FBXW7: variants seen among roughly 807,000 people sequenced by gnomAD.
The protein encoded by FBXW7 is F-box/WD repeat-containing protein 7.
Under a neutral mutation model 86.3 loss-of-function variants are expected in FBXW7, and 11 were observed. That is an observed-to-expected ratio of 0.13 (90% CI 0.08 to 0.21). The LOEUF is 0.21. Among genes scored for constraint, FBXW7 ranks in the 10% least tolerant of loss-of-function variants. The pLI is 1.00. For missense variants in FBXW7, 488 were observed against 847.4 expected (o/e 0.58, Z 5.27); for synonymous variants, 313 against 297.9 (o/e 1.05, Z -0.52).
intron 2 of FBXW7, among the ~76,000 whole-genome samples, chr4:152,521,472 C>T (rs1437659310): frequency 1.3e-5 from 2 of 152,190 alleles, no homozygotes; most frequent in Non-Finnish European, 2.9e-5. Flanking sequence ...TACATGGACA[C>T]ACAACCAGTG....
At chr4:152,439,774 G>A (rs1167416559) in intron 2 of FBXW7, among the ~76,000 whole-genome samples, 1 of 151,244 alleles carries the variant, frequency 6.6e-6, no homozygotes, top group African/African-American at 2.4e-5. Flanking sequence ...GCTGAGGCAG[G>A]AGAATGGTGT....
intron 4 of FBXW7, among the ~76,000 whole-genome samples, chr4:152,374,813 C>CA (rs1734338382): frequency 6.6e-6 from 1 of 151,012 alleles, no homozygotes; most frequent in East Asian, 1.9e-4. Flanking sequence ...TAAGCTGGAC[C>CA]ATGAGGTCAT....
chr4:152,389,540 G>A (rs1201688122), intron 4 of FBXW7, among the ~76,000 whole-genome samples: 1 of 152,020 alleles, frequency 6.6e-6, no homozygotes, highest in Admixed American at 6.6e-5. Context: ...TCACTTACAA[G>A]TGAAAGCTAA....
chr4:152,502,689 G>A (rs1747068333), intron 2 of FBXW7, among the ~76,000 whole-genome samples: 1 of 151,992 alleles, frequency 6.6e-6, no homozygotes, highest in Admixed American at 6.6e-5. Context: ...AGAAGCTAAT[G>A]CTACCACCAG....
intron 4 of FBXW7, among the ~76,000 whole-genome samples, chr4:152,398,888 C>T (rs1736667802): frequency 6.6e-6 from 1 of 151,856 alleles, no homozygotes; most frequent in African/African-American, 2.4e-5. Flanking sequence ...AACCACTGGC[C>T]AAATGTTTGA....
intron 2 of FBXW7, among the ~76,000 whole-genome samples, chr4:152,439,914 G>A (rs1740733320): frequency 6.8e-6 from 1 of 146,908 alleles, no homozygotes; most frequent in South Asian, 2.2e-4. Context: ...GCTTCATACA[G>A]ACCTGGCTTT....
At chr4:152,457,191 G>A (rs558747346) in intron 2 of FBXW7, among the ~76,000 whole-genome samples, 1 of 152,292 alleles carries the variant, frequency 6.6e-6, no homozygotes, top group African/African-American at 2.4e-5. Context: ...CTGACCTACA[G>A]TAACAGAAAG....
chr4:152,504,633 C>G (rs1424363440), intron 2 of FBXW7, among the ~76,000 whole-genome samples: 1 of 152,052 alleles, frequency 6.6e-6, no homozygotes, highest in Non-Finnish European at 1.5e-5. Flanking sequence ...GTACTTAATT[C>G]AGGTAGCGAA....
At chr4:152,374,861 T>C (rs149930258) in intron 4 of FBXW7, among the ~76,000 whole-genome samples, 218 of 151,676 alleles carry the variant, frequency 1.4e-3, no homozygotes, top group Non-Finnish European at 2.9e-3. Context: ...ATGTAACCAG[T>C]GGATACCAAA....
intron 2 of FBXW7, among the ~76,000 whole-genome samples, chr4:152,511,687 C>T (rs1033034652): frequency 1.4e-4 from 22 of 151,858 alleles, no homozygotes; most frequent in African/African-American, 5.1e-4. Flanking sequence ...ATAAACAATA[C>T]TATTATGAAA....
At chr4:152,438,360 C>G (rs140391688) in intron 2 of FBXW7, among the ~76,000 whole-genome samples, 1 of 152,020 alleles carries the variant, frequency 6.6e-6, no homozygotes, top group East Asian at 1.9e-4. Context: ...GAACCAAATC[C>G]ATGGTATCTT....
chr4:152,476,816 T>G (rs987145115), intron 2 of FBXW7, among the ~76,000 whole-genome samples: 1 of 152,178 alleles, frequency 6.6e-6, no homozygotes, highest in East Asian at 1.9e-4. Context: ...GACACTCAAC[T>G]ACCCTTTTGG....
chr4:152,402,116 A>C (rs1482206311), intron 4 of FBXW7, among the ~76,000 whole-genome samples: 5 of 152,210 alleles, frequency 3.3e-5, no homozygotes, highest in African/African-American at 1.2e-4. Context: ...TCAACTGTTC[A>C]AACAGGTTAC....
intron 11 of FBXW7, among the ~76,000 whole-genome samples, chr4:152,326,521 T>C (rs1330709509): frequency 1.3e-5 from 2 of 151,952 alleles, no homozygotes; most frequent in Non-Finnish European, 2.9e-5. Context: ...TGAAAACCAC[T>C]GTACTGTATT....
intron 2 of FBXW7, among the ~76,000 whole-genome samples, chr4:152,498,867 A>C (rs1746632825): frequency 6.6e-6 from 1 of 152,180 alleles, no homozygotes. Context: ...AGCTCTAGGA[A>C]GGGAAAAAAT....
chr4:152,405,886 A>G (rs1428273701), intron 4 of FBXW7, among the ~76,000 whole-genome samples: 1 of 152,228 alleles, frequency 6.6e-6, no homozygotes, highest in African/African-American at 2.4e-5. Context: ...GTTTGGAGAA[A>G]GAAACAGTAC....
intron 2 of FBXW7, among the ~76,000 whole-genome samples, chr4:152,528,077 T>C (rs181673724): frequency 6.6e-6 from 1 of 152,192 alleles, no homozygotes; most frequent in Admixed American, 6.5e-5. Context: ...ATATTAAAAA[T>C]ATTTTGTAGT....
chr4:152,323,186 A>G (rs1728698376), intron 13 of FBXW7, 37 bp from the exon 14 acceptor site: 1 of 1,597,270 alleles, frequency 6.3e-7, no homozygotes, highest in Admixed American at 1.7e-5. Flanking sequence ...TACTGGTTAG[A>G]AATAATGGCT....
intron 2 of FBXW7, among the ~76,000 whole-genome samples, chr4:152,508,467 G>T (rs74344220): frequency 0.014 from 2,083 of 152,008 alleles, 26 homozygotes; most frequent in Middle Eastern, 0.037. Flanking sequence ...AACACAGGAT[G>T]GCTTGAGTCC....
Sources: gnomAD v4.1 joint callset for allele counts (sites outside exome capture counted in the v4.1 genomes callset) on GRCh38, gnomAD v4.1.1 for gene constraint, MANE v1.5 for transcripts, NCBI Gene and HGNC (gene_info 2026-07-23, HGNC 2026-07-21) for gene names.